Variants in NLRP5 observed in about 807,000 individuals in gnomAD.
NLRP5 encodes NLR family pyrin domain containing 5, also known as NACHT, LRR and PYD domains-containing protein 5.
In NLRP5, 93 loss-of-function variants were observed where a neutral mutation model predicts 113.1. The observed-to-expected ratio is 0.82, with a 90% CI of 0.70 to 0.98. The LOEUF (loss-of-function observed/expected upper bound fraction) is 0.98, where lower values mean the gene tolerates loss of function less well. NLRP5 is among the 50% of genes least tolerant of loss of function. The probability of loss-of-function intolerance (pLI) is 0.00; values close to 1 mark genes in which losing one functional copy is unlikely to be tolerated. For missense variants in NLRP5, 1,808 were observed against 1,514.3 expected (o/e 1.19, Z -3.22); for synonymous variants, 751 against 600.7 (o/e 1.25, Z -3.66).
intron 7 of NLRP5, among the ~76,000 whole-genome samples, chr19:56,030,714 C>CTTCTTTTTTTTTTTTTT (rs1555767859): frequency 1.3e-4 from 9 of 71,354 alleles, no homozygotes; most frequent in African/African-American, 4.3e-4. Flanking sequence ...CTTTCTTCTT[C>CTTCTTTTTTTTTTTTTT]TTTTTTTTTT....
Position 56,040,580 on chromosome 19 carries a change from T to C in NLRP5, c.2787-342T>C, listed in dbSNP as rs536086450. Among the ~76,000 whole-genome samples, 80 of 152,042 alleles carry C rather than the reference T, an allele frequency of 5.3e-4. No individual in the cohort carries two copies. In the Middle Eastern group the frequency reaches 0.01, roughly 19 times the overall value. On this transcript the variant is annotated intron_variant, in intron 10 of 14. Coordinates refer to ENST00000390649, the MANE Select transcript of NLRP5 (RefSeq NM_153447.4). ...AGACTCCATCTCAAATAAATAAAAA[T>C]AAATAAGAAAATAAATAAATTGGAA...
rs113514972 is a variant in NLRP5 at position 56,008,869 on chromosome 19, T to C, written c.508+16T>C. Reference sequence around the variant, plus strand: ...AAAGTGCCAGGTTAGAGGGGTGGAGTTGGGGGAAATAGGATGTGCTTAAAG... The same window carrying C: ...AAAGTGCCAGGTTAGAGGGGTGGAGCTGGGGGAAATAGGATGTGCTTAAAG... On this transcript the variant is annotated intron_variant, in intron 3 of 14. Transcript: ENST00000390649. 13 of 1,608,252 alleles carry C rather than the reference T, an allele frequency of 8.1e-6. No homozygotes were observed. The highest frequency in any genetic ancestry group is 2.7e-5 in the African/African-American group (2 of 74,782).
Position 56,020,366 on chromosome 19 carries a change from C to A in NLRP5, c.623-9C>A. ...AAACACAAGTATGTTGGAATTCATTCTTTTGCAGAAATTTCACAAGCTATG... is the reference window on the plus strand; with the variant it reads ...AAACACAAGTATGTTGGAATTCATTATTTTGCAGAAATTTCACAAGCTATG... On this transcript the variant is annotated splice_polypyrimidine_tract_variant and intron_variant, in intron 5 of 14. Transcript: ENST00000390649. 1.9e-6 allele frequency: 3 copies of A among 1,611,656 alleles called. No homozygotes were observed. The highest frequency in any genetic ancestry group is 2.5e-6 in the Non-Finnish European group (3 of 1,178,518).
chr19:56,058,440 A>G, intron 14 of NLRP5, 30 bp downstream of exon 14: 1 of 1,579,408 alleles, frequency 6.3e-7, no homozygotes, highest in Non-Finnish European at 8.6e-7. Flanking sequence ...CTTCTGAGAT[A>G]CAGACCTGCT....
At chr19:55,994,820 T>TCA (rs1981274135), upstream of NLRP5, among the ~76,000 whole-genome samples, 1 of 152,224 alleles carries the variant, frequency 6.6e-6, no homozygotes, top group African/African-American at 2.4e-5. Context: ...GCAAAATATT[T>TCA]GCCTTGACTT....
chr19:56,012,136 G>C (rs748345773), intron 3 of NLRP5, among the ~76,000 whole-genome samples: 1 of 151,392 alleles, frequency 6.6e-6, no homozygotes, highest in Non-Finnish European at 1.5e-5. Flanking sequence ...TGTTCTTCCC[G>C]TAGTGGCTGC....
intron 11 of NLRP5, 73 bp downstream of exon 11, chr19:56,041,165 A>C (rs1296482937): frequency 6.8e-7 from 1 of 1,470,598 alleles, no homozygotes; most frequent in South Asian, 1.2e-5. Flanking sequence ...TCAAAGCAGA[A>C]GGCAGTGGGG....
chr19:56,010,470 C>A (rs62120415), intron 3 of NLRP5, among the ~76,000 whole-genome samples: 12 of 151,984 alleles, frequency 7.9e-5, no homozygotes, highest in Non-Finnish European at 1.5e-4. Flanking sequence ...AAAGGCTGGG[C>A]GCGGTGGCTC....
At chr19:56,002,199 A>G (rs112164783) in intron 1 of NLRP5, among the ~76,000 whole-genome samples, 3,071 of 152,296 alleles carry the variant, frequency 0.02, 80 homozygotes, top group East Asian at 0.065. Context: ...AGCCATTTGC[A>G]TAGCTTCTTT....
At chr19:56,013,596 G>GTTTTTTTTTGTTTTTTT (rs1555765384) in intron 3 of NLRP5, among the ~76,000 whole-genome samples, 1 of 59,282 alleles carries the variant, frequency 1.7e-5, no homozygotes, top group African/African-American at 8.7e-5. Flanking sequence ...GGACATTTGG[G>GTTTTTTTTTGTTTTTTT]TTTTTTTTTT....
At position 56,032,781 on chromosome 19, in the gene NLRP5, T is replaced by G; in HGVS notation, c.2447T>G (p.Met816Arg). The G allele has an allele frequency of 1.2e-6, 2 of 1,603,496 alleles. No homozygotes were observed. The highest frequency in any genetic ancestry group is 2.7e-5 in the African/African-American group (2 of 74,876). Residue 816 changes from methionine to arginine, a missense_variant and splice_region_variant, in exon 8 of 15, where the codon ATG (methionine) becomes AGG (arginine). Physicochemically the swap from Met to Arg is moderately conservative, Grantham distance 91. Transcript: ENST00000390649. ...CCCACCTGCAAGATACAGACCCTGA[T>G]GTAAGGCTGCCCGCCCCCTACGAGA...
Position 56,027,060 on chromosome 19 carries a change from G to T in NLRP5, c.827G>T (p.Gly276Val). Residue 276 changes from glycine to valine, a missense_variant, in exon 7 of 15, where the codon GGC becomes GTC. Transcript: ENST00000390649. The stretch of plus-strand genomic sequence containing the variant: ...GGTGCTTTTGATTCAGACCGGTGGG[G>T]CTTCCGGCCTCGCACGGTGGTTCTG... The T allele has an allele frequency of 2.6e-6, 4 of 1,555,568 alleles. No individual in the cohort carries two copies. Among genetic ancestry groups the T allele is most frequent in the Non-Finnish European group, 3.5e-6 (4 of 1,149,430 alleles).
rs1425025895 is a variant in NLRP5, at chr19:56,050,593, G to C, written c.3128+5G>C. 1.2e-6 allele frequency: 2 copies of C among 1,612,702 alleles called. No individual in the cohort carries two copies. The highest frequency in any genetic ancestry group is 1.7e-4 in the Middle Eastern group (1 of 6,050). On this transcript the variant is annotated splice_donor_5th_base_variant and intron_variant, in intron 12 of 14. Transcript: ENST00000390649. ...TTGTCATCTCCAGGACCTGGAGTGA[G>C]TTTCCCATGGGCGTTGGGTCAACTC... is the stretch of plus-strand genomic sequence containing the variant.
At chr19:56,016,046 A>T (rs1568486420) in intron 4 of NLRP5, among the ~76,000 whole-genome samples, 1 of 152,192 alleles carries the variant, frequency 6.6e-6, no homozygotes, top group East Asian at 1.9e-4. Flanking sequence ...GTATATACTT[A>T]TGGGGCGTGA....
intron 3 of NLRP5, among the ~76,000 whole-genome samples, chr19:56,014,472 C>G (rs1010799624): frequency 1.0e-5 from 1 of 99,024 alleles, no homozygotes; most frequent in Non-Finnish European, 2.1e-5. Flanking sequence ...GAGAAACGCT[C>G]CATCTCAAAA....
Position 56,038,026 on chromosome 19 carries a change from C to A in NLRP5, c.2617C>A (p.Leu873Met), listed in dbSNP as rs772267037. Residue 873 changes from leucine to methionine, a missense_variant and splice_region_variant, in exon 10 of 15, where the codon CTG (leucine) becomes ATG (methionine). Transcript: ENST00000390649. ...GCTTCATGCTGCCTGTCTCTGCAGG[C>A]TGGATTGCTGTGGATTGACCCATGC... is the stretch of plus-strand genomic sequence containing the variant. 2 of 1,613,876 alleles carry A rather than the reference C, an allele frequency of 1.2e-6. No individual in the cohort carries two copies. Among genetic ancestry groups the A allele is most frequent in the Non-Finnish European group, 1.7e-6 (2 of 1,179,838 alleles).
At chr19:56,058,126 T>A in intron 13 of NLRP5, 114 bp from the exon 14 acceptor site, 3 of 784,968 alleles carry the variant, frequency 3.8e-6, no homozygotes, top group Non-Finnish European at 1.9e-6. Context: ...TTTGTTTGTT[T>A]TTGTTTTGTT....
intron 10 of NLRP5, 129 bp downstream of exon 10, chr19:56,038,324 GA>G (rs1683968800): frequency 1.1e-6 from 1 of 888,380 alleles, no homozygotes; most frequent in African/African-American, 1.7e-5. Context: ...AGGAAGTTGG[GA>G]CCTCCCAAGA....
intron 9 of NLRP5, among the ~76,000 whole-genome samples, chr19:56,036,783 C>T (rs1316961223): frequency 1.3e-5 from 2 of 152,094 alleles, no homozygotes; most frequent in Non-Finnish European, 2.9e-5. Flanking sequence ...ATGGTGAAAC[C>T]CCGTCTCTAC....
Sources: allele counts gnomAD v4.1 joint callset (sites outside exome capture counted in the v4.1 genomes callset), GRCh38; gene constraint gnomAD v4.1.1; transcripts MANE v1.5; gene names NCBI Gene and HGNC (gene_info 2026-07-23, HGNC 2026-07-21).